The following MTUS1 variants were observed in gnomAD, a reference collection of about 807,000 sequenced individuals.
MTUS1 encodes the protein microtubule-associated tumor suppressor 1.
In MTUS1, 109 loss-of-function variants were observed where a neutral mutation model predicts 120.8. The ratio of observed to expected loss-of-function variants is 0.90; its 90% confidence interval spans 0.77 to 1.06. The LOEUF is 1.06. MTUS1 is among the 50% of genes least tolerant of loss of function. MTUS1 has a pLI of 0.00. For synonymous variants in MTUS1, 737 were observed against 550.5 expected (o/e 1.34, Z -4.74); for missense variants, 2,210 against 1,486.3 (o/e 1.49, Z -8.01).
At chr8:17,662,221 T>G (rs1163784487) in intron 8 of MTUS1, among the ~76,000 whole-genome samples, 1 of 151,908 alleles carries the variant, frequency 6.6e-6, no homozygotes, top group Non-Finnish European at 1.5e-5. Context: ...TTTCAATTAA[T>G]CAGACACCCC....
intron 2 of MTUS1, among the ~76,000 whole-genome samples, chr8:17,744,637 A>ATTT (rs1204588865): frequency 1.2e-5 from 1 of 80,784 alleles, no homozygotes; most frequent in African/African-American, 4.6e-5. Flanking sequence ...TAAGTTTTGT[A>ATTT]TTTTTTTTTT....
intron 2 of MTUS1, among the ~76,000 whole-genome samples, chr8:17,749,340 T>C (rs1424177404): frequency 6.6e-6 from 1 of 152,110 alleles, no homozygotes; most frequent in Non-Finnish European, 1.5e-5. Context: ...TCCAGGTCTT[T>C]AACTCTTTGA....
At chr8:17,762,215 G>T (rs374634913) in intron 1 of MTUS1, among the ~76,000 whole-genome samples, 1 of 152,106 alleles carries the variant, frequency 6.6e-6, no homozygotes, top group African/African-American at 2.4e-5. Context: ...GGAGGCGGAG[G>T]TCGCAGTGAG....
Position 17,800,101 on chromosome 8 carries a change from T to C in MTUS1, c.-155+960A>G, listed in dbSNP as rs144001755. ...GTTTATGCAATTCCTTTTAAAGTTGTCCATGCACTGTTATCTTGTATATAC... is the reference window on the plus strand; with the variant it reads ...GTTTATGCAATTCCTTTTAAAGTTGCCCATGCACTGTTATCTTGTATATAC... On this transcript the variant is annotated intron_variant, in intron 1 of 14. Coordinates refer to ENST00000693296, the MANE Select transcript of MTUS1 (RefSeq NM_001363059.2). Among the ~76,000 whole-genome samples, 19 of 152,314 alleles carry C rather than the reference T, an allele frequency of 1.2e-4. No individual in the cohort carries two copies. In the East Asian group the frequency reaches 3.7e-3, roughly 29 times the overall value.
chr8:17,742,536 C>CCAA (rs2047417183), intron 3 of MTUS1, among the ~76,000 whole-genome samples: 1 of 151,972 alleles, frequency 6.6e-6, no homozygotes, highest in Non-Finnish European at 1.5e-5. Context: ...GATGAACACT[C>CCAA]CAAGCTAATG....
At chr8:17,676,166 T>C in intron 7 of MTUS1, 1 of 681,600 alleles carries the variant, frequency 1.5e-6, no homozygotes. Context: ...GACCCGGCCT[T>C]TGCAGGCAAG....
At chr8:17,718,519 TG>T (rs753882947) in intron 4 of MTUS1, among the ~76,000 whole-genome samples, 20 of 152,118 alleles carry the variant, frequency 1.3e-4, no homozygotes, top group Non-Finnish European at 2.1e-4. Context: ...CACAACTCAC[TG>T]TGGTATTCAG....
At position 17,705,098 on chromosome 8, in the gene MTUS1, T is replaced by A. The variant is rs1399404330; in HGVS notation, c.2623+8116A>T. Among the ~76,000 whole-genome samples the A allele has an allele frequency of 2.0e-5, 3 of 152,184 alleles. No homozygotes were observed. The East Asian group carries it at 5.8e-4, about 29-fold the overall frequency. ...TCCTGGGTTCAACGATTCTTCTGCC[T>A]CAGCCTCATGAGTGCTGGGACTACA... is the stretch of plus-strand genomic sequence containing the variant. On this transcript the variant is annotated intron_variant, in intron 6 of 14. Coordinates refer to ENST00000693296, the MANE Select transcript of MTUS1 (RefSeq NM_001363059.2).
chr8:17,751,600 C>A (rs968803349), intron 2 of MTUS1, among the ~76,000 whole-genome samples: 1 of 152,072 alleles, frequency 6.6e-6, no homozygotes, highest in African/African-American at 2.4e-5. Context: ...TGGCTCACGC[C>A]TGTATTCCCA....
chr8:17,719,119 G>A (rs191173667), intron 4 of MTUS1, among the ~76,000 whole-genome samples: 23 of 151,988 alleles, frequency 1.5e-4, no homozygotes, highest in African/African-American at 4.6e-4. Flanking sequence ...GCAGTGAGCC[G>A]AGATCGTGCC....
At chr8:17,791,864 C>A (rs2051812041) in intron 1 of MTUS1, among the ~76,000 whole-genome samples, 1 of 152,136 alleles carries the variant, frequency 6.6e-6, no homozygotes, top group Non-Finnish European at 1.5e-5. Context: ...AAACTAGAGA[C>A]TAAGGAAGGT....
rs1319426346 is a variant in MTUS1, at chr8:17,743,727, T to A, written c.2164A>T (p.Ile722Leu). 1.9e-6 allele frequency: 3 copies of A among 1,614,176 alleles called. No individual in the cohort carries two copies. The highest frequency in any genetic ancestry group is 2.5e-6 in the Non-Finnish European group (3 of 1,180,034). The change falls in exon 3 of 15, where the codon ATA becomes TTA. Residue 722 changes from isoleucine (I) to leucine (L), a missense_variant. Physicochemically the swap from Ile to Leu is conservative, Grantham distance 5. Transcript: ENST00000693296. ...CCCACTTTGGCTTTTGGAGCAGCTA[T>A]TTGCCTCAAACCGCAGGAGTCAGGC... ...SKPDSCGLRQ[I>L]AAPKAKVGPP... is the part of the protein sequence containing the mutation.
At chr8:17,702,047 G>A (rs531215654) in intron 6 of MTUS1, among the ~76,000 whole-genome samples, 1 of 152,156 alleles carries the variant, frequency 6.6e-6, no homozygotes, top group East Asian at 1.9e-4. Flanking sequence ...ATTCCTGTAA[G>A]GTATATAGGT....
rs984622999 is a variant in MTUS1, at chr8:17,645,160, G to A, written c.*766C>T. ...GATAGTGTTAGGCTCACATGGGTAA[G>A]TAAAAAATCTACAGAAAAATCTAGT... On this transcript the variant is annotated 3_prime_UTR_variant, in exon 15 of 15. Transcript: ENST00000693296. The A allele has an allele frequency of 2.6e-5, 4 of 152,532 alleles. No individual in the cohort carries two copies. The highest frequency in any genetic ancestry group is 9.7e-5 in the African/African-American group (4 of 41,422). The allele number at this position is 152,532 out of a possible 1,614,324, so 9.4% of individuals were successfully genotyped here. A position where few individuals can be genotyped will look rare whatever the true frequency, so the allele number is the denominator to read the frequency against.
chr8:17,675,141 C>T (rs976056159), intron 8 of MTUS1, 45 bp downstream of exon 8: 3 of 1,608,860 alleles, frequency 1.9e-6, no homozygotes, highest in Non-Finnish European at 2.6e-6. Flanking sequence ...TTCCAGTGTT[C>T]CCCTTGTCCC....
intron 1 of MTUS1, among the ~76,000 whole-genome samples, chr8:17,769,346 A>AT (rs34688586): frequency 0.025 from 2,621 of 106,044 alleles, 47 homozygotes; most frequent in African/African-American, 0.048. Context: ...TTAGTCAGTA[A>AT]TTTTTTTTTT....
chr8:17,693,437 TA>T (rs2130848759), intron 6 of MTUS1: 1 of 152,266 alleles, frequency 6.6e-6, no homozygotes, highest in South Asian at 2.1e-4. Flanking sequence ...AGTAATAATA[TA>T]TCAGAGTGCC....
At chr8:17,654,428 A>G (rs899494393) in intron 10 of MTUS1, 133 bp downstream of exon 10, 8 of 647,708 alleles carry the variant, frequency 1.2e-5, no homozygotes, top group Non-Finnish European at 1.9e-5. Flanking sequence ...CGCAAAAAGG[A>G]ACCAAGAACA....
chr8:17,772,457 CATATT>C (rs1478197247), intron 1 of MTUS1, among the ~76,000 whole-genome samples: 1 of 152,186 alleles, frequency 6.6e-6, no homozygotes, highest in Non-Finnish European at 1.5e-5. Flanking sequence ...TTATGACTGT[CATATT>C]ATATCTGCTA....
Sources: allele counts gnomAD v4.1 joint callset (sites outside exome capture counted in the v4.1 genomes callset), GRCh38; gene constraint gnomAD v4.1.1; transcripts MANE v1.5; gene names NCBI Gene and HGNC (gene_info 2026-07-23, HGNC 2026-07-21).